The following ZNF829 variants were observed in gnomAD, a reference collection of about 807,000 sequenced individuals.
ZNF829 encodes the protein zinc finger protein 829.
A neutral mutation model predicts 35.2 loss-of-function variants in ZNF829; 25 were observed. That is an observed-to-expected ratio of 0.71 (90% confidence interval 0.52 to 0.99). The LOEUF is 0.99. ZNF829 is among the 50% of genes least tolerant of loss of function. ZNF829 has a pLI of 0.00. For synonymous variants in ZNF829, 136 were observed against 163.2 expected, an observed-to-expected ratio of 0.83 and a Z score of 1.27; for missense variants, 417 against 515.3, an observed-to-expected ratio of 0.81 and a Z score of 1.85.
chr19:36,897,587 C>T (rs973629601), intron 5 of ZNF829, among the ~76,000 whole-genome samples: 1 of 152,106 alleles, frequency 6.6e-6, no homozygotes, highest in African/African-American at 2.4e-5. Context: ...GTACAGCTAA[C>T]ACCATACTGA....
chr19:36,904,437 T>C (rs2073198105), intron 5 of ZNF829, among the ~76,000 whole-genome samples: 1 of 152,188 alleles, frequency 6.6e-6, no homozygotes, highest in South Asian at 2.1e-4. Context: ...TCTTGCTCTG[T>C]TGCCCAGGCT....
intron 5 of ZNF829, chr19:36,892,913 G>A: frequency 1.8e-6 from 2 of 1,107,444 alleles, no homozygotes; most frequent in Non-Finnish European, 2.3e-6. Flanking sequence ...GCCCAGGCAG[G>A]GGTTAAGCTG....
chr19:36,915,881 C>G, intron 1 of ZNF829, 130 bp downstream of exon 1: 1 of 1,536,112 alleles, frequency 6.5e-7, no homozygotes, highest in Non-Finnish European at 8.7e-7. Flanking sequence ...TTTCAGGCCG[C>G]TCCGCCCGCA....
At chr19:36,915,443 C>T (rs1043524420) in intron 1 of ZNF829, among the ~76,000 whole-genome samples, 192 bp from the exon 2 acceptor site, 23 of 152,150 alleles carry the variant, frequency 1.5e-4, no homozygotes, top group African/African-American at 5.6e-4. Flanking sequence ...TACAGCTGCA[C>T]AATCGTAGGC....
intron 5 of ZNF829, chr19:36,892,874 T>C (rs1341979889): frequency 1.7e-6 from 2 of 1,156,792 alleles, no homozygotes; most frequent in African/African-American, 1.6e-5. Context: ...GTACAGCTTG[T>C]GGAGCTCCGA....
intron 5 of ZNF829, among the ~76,000 whole-genome samples, chr19:36,899,426 C>T (rs1420909888): frequency 7.2e-5 from 11 of 151,768 alleles, no homozygotes; most frequent in Non-Finnish European, 1.5e-4. Flanking sequence ...GTCTGGCTGA[C>T]AGTGAAACTC....
intron 5 of ZNF829, among the ~76,000 whole-genome samples, chr19:36,895,986 A>G (rs563562075): frequency 6.6e-6 from 1 of 152,050 alleles, no homozygotes; most frequent in Non-Finnish European, 1.5e-5. Flanking sequence ...TCCCAACATG[A>G]CGAAACCCTG....
At chr19:36,902,507 C>T (rs752100387) in intron 5 of ZNF829, among the ~76,000 whole-genome samples, 4 of 151,992 alleles carry the variant, frequency 2.6e-5, no homozygotes, top group Admixed American at 1.3e-4. Context: ...TGGTGCCGTG[C>T]ACCTGTAGTC....
rs923369731 is a variant in ZNF829 at position 36,888,329 on chromosome 19, TACC to T, written c.*3160_*3162del. Reference sequence around the variant, plus strand: ...TATCTCCCAACACATACAGTGTTATTACCACAATATAGTGTCAAACCGTCAATG... The same window carrying T: ...TATCTCCCAACACATACAGTGTTATTACAATATAGTGTCAAACCGTCAATG... On this transcript the variant is annotated 3_prime_UTR_variant, in exon 6 of 6. Coordinates refer to ENST00000391711, the MANE Select transcript of ZNF829 (RefSeq NM_001037232.4). 1.3e-5 allele frequency: 2 copies of T among 152,330 alleles called. No individual in the cohort carries two copies. Among genetic ancestry groups the T allele is most frequent in the Admixed American group, 6.5e-5 (1 of 15,308 alleles). The allele number at this position is 152,330 out of a possible 1,614,324, so 9.4% of individuals were successfully genotyped here. A position where few individuals can be genotyped will look rare whatever the true frequency, so the allele number is the denominator to read the frequency against.
chr19:36,892,157 A>G lies in ZNF829; in HGVS notation c.634T>C (p.Tyr212His). ...GCCTTGCCACATTCCTTACATTCAT[A>G]GGGTTTTTTACCAGTGTGAATCCTC... ...HQRIHTGKKP[Y>H]ECKECGKAFS... Residue 212 changes from tyrosine (Y) to histidine (H), a missense_variant, in exon 6 of 6, where the codon TAT becomes CAT. By Grantham distance (83) the Tyr-to-His change is moderately conservative. Transcript: ENST00000391711. The G allele has an allele frequency of 6.2e-7, 1 of 1,614,158 alleles. No homozygotes were observed. Among genetic ancestry groups the G allele is most frequent in the Non-Finnish European group, 8.5e-7 (1 of 1,180,016 alleles).
chr19:36,915,970 G>C, intron 1 of ZNF829, 41 bp downstream of exon 1: 1 of 1,525,312 alleles, frequency 6.6e-7, no homozygotes, highest in Non-Finnish European at 8.8e-7. Flanking sequence ...ATGGGAACTT[G>C]CAGACCTGAG....
At chr19:36,915,971 C>A (rs898118739) in intron 1 of ZNF829, 40 bp downstream of exon 1, 15 of 1,524,964 alleles carry the variant, frequency 9.8e-6, no homozygotes, top group Non-Finnish European at 1.3e-5. Flanking sequence ...TGGGAACTTG[C>A]AGACCTGAGC....
chr19:36,913,736 T>C (rs914854083), intron 3 of ZNF829, among the ~76,000 whole-genome samples: 17 of 151,978 alleles, frequency 1.1e-4, no homozygotes, highest in African/African-American at 3.9e-4. Context: ...ATAATAGATA[T>C]CCATCCATAA....
intron 5 of ZNF829, among the ~76,000 whole-genome samples, chr19:36,896,191 G>A (rs1459429041): frequency 1.3e-5 from 2 of 151,848 alleles, no homozygotes; most frequent in African/African-American, 4.8e-5. Context: ...GGCACCTGTA[G>A]TCCCACCTAC....
At chr19:36,903,857 C>A (rs1352580971) in intron 5 of ZNF829, among the ~76,000 whole-genome samples, 2 of 133,458 alleles carry the variant, frequency 1.5e-5, no homozygotes, top group East Asian at 4.0e-4. Context: ...AAGAGTAAAA[C>A]TGTCTCGAAA....
chr19:36,892,062 C>T lies in ZNF829; in HGVS notation c.729G>A (p.Lys243=), dbSNP rs2073059412. ...IHTGEKPYEC[K]ECGKAFKYCS... ...AATACTTAAAGGCTTTTCCACATTC[C>T]TTACATTCATAGGGTTTCTCACCAG... Residue 243 remains lysine, a synonymous_variant, in exon 6 of 6, where the codon AAG becomes AAA. Transcript: ENST00000391711. The T allele has an allele frequency of 6.2e-7, 1 of 1,613,848 alleles. No individual in the cohort carries two copies. Among genetic ancestry groups the T allele is most frequent in the Non-Finnish European group, 8.5e-7 (1 of 1,179,936 alleles).
chr19:36,898,144 G>A (rs936177789), intron 5 of ZNF829, among the ~76,000 whole-genome samples: 5 of 152,132 alleles, frequency 3.3e-5, no homozygotes, highest in South Asian at 4.2e-4. Flanking sequence ...CCTCCAGCCT[G>A]GGAGACAGAG....
intron 5 of ZNF829, among the ~76,000 whole-genome samples, chr19:36,897,455 A>G (rs916390731): frequency 6.6e-6 from 1 of 152,230 alleles, no homozygotes; most frequent in East Asian, 1.9e-4. Context: ...GATAAAAACC[A>G]TATGATCAGC....
chr19:36,891,621 A>G lies in ZNF829; in HGVS notation c.1170T>C (p.Asn390=), dbSNP rs2073053039. The change falls in exon 6 of 6, where the codon AAT becomes AAC. Residue 390 remains asparagine, a synonymous_variant. Transcript: ENST00000391711. ...GATGTCGAGTAAGATTTGAGCCTTT[A>G]TTAAAGGCCTTCCCACATTCATTAC... ...YECNECGKAF[N]KGSNLTRHQR... is the part of the protein sequence containing the mutation. 2 of 1,612,728 alleles carry G rather than the reference A, an allele frequency of 1.2e-6. No homozygotes were observed. The highest frequency in any genetic ancestry group is 1.1e-5 in the South Asian group (1 of 90,896).
Sources: allele counts gnomAD v4.1 joint callset (sites outside exome capture counted in the v4.1 genomes callset), GRCh38; gene constraint gnomAD v4.1.1; transcripts MANE v1.5; gene names NCBI Gene and HGNC (gene_info 2026-07-23, HGNC 2026-07-21).